The following ZNF83 variants were observed in gnomAD, a reference collection of about 807,000 sequenced individuals.
The protein encoded by ZNF83 is zinc finger protein 816B.
For missense variants in ZNF83, 552 were observed against 629.9 expected, an observed-to-expected ratio of 0.88 and a Z score of 1.32; for synonymous variants, 209 against 213.0, an observed-to-expected ratio of 0.98 and a Z score of 0.17.
chr19:52,682,433 G>A (rs1283213472), intron 1 of ZNF83, among the ~76,000 whole-genome samples: 1 of 152,084 alleles, frequency 6.6e-6, no homozygotes, highest in Admixed American at 6.6e-5. Flanking sequence ...AACACTTTGG[G>A]AGGCTGAGGT....
chr19:52,662,622 C>T (rs1320680881), intron 1 of ZNF83, among the ~76,000 whole-genome samples: 8 of 152,052 alleles, frequency 5.3e-5, no homozygotes, highest in East Asian at 1.9e-4. Flanking sequence ...CTGAGCATTA[C>T]CATCTCGTAT....
chr19:52,650,961 A>C (rs2061434428), intron 3 of ZNF83: 1 of 152,254 alleles, frequency 6.6e-6, no homozygotes, highest in Non-Finnish European at 1.5e-5. Flanking sequence ...CCAGGGAAAC[A>C]GTGAAAAGAA....
rs2060214959 is a variant in ZNF83 at position 52,614,048 on chromosome 19, C to A, written c.517G>T (p.Gly173Ter). 1.2e-6 allele frequency: 2 copies of A among 1,613,056 alleles called. No individual in the cohort carries two copies. The highest frequency in any genetic ancestry group is 4.5e-5 in the East Asian group (2 of 44,846). ...TCATTACATTTATATGGTTTCTCTC[C>A]AGTATGAATCCTGCGATGCTGTGCA... Residue 173 changes from glycine (G) to a stop codon, truncating the protein, a stop_gained, in exon 3 of 3, where the codon GGA becomes TGA. Coordinates refer to ENST00000301096, the Ensembl canonical transcript of ZNF83. LOFTEE classifies it low-confidence loss of function (END_TRUNC).
At chr19:52,661,207 A>T (rs2061575554) in intron 1 of ZNF83, among the ~76,000 whole-genome samples, 1 of 152,074 alleles carries the variant, frequency 6.6e-6, no homozygotes. Flanking sequence ...CTGTGACAAA[A>T]CATACACAGG....
At chr19:52,628,854 A>C (rs1271602626) in intron 2 of ZNF83, among the ~76,000 whole-genome samples, 1 of 148,976 alleles carries the variant, frequency 6.7e-6, no homozygotes, top group Non-Finnish European at 1.5e-5. Flanking sequence ...CCCCAACCTC[A>C]TATATCTCTG....
At chr19:52,672,577 T>C (rs2061740970) in intron 1 of ZNF83, among the ~76,000 whole-genome samples, 1 of 152,152 alleles carries the variant, frequency 6.6e-6, no homozygotes, top group African/African-American at 2.4e-5. Context: ...GCACCTCATC[T>C]TTATGTTTTA....
chr19:52,679,585 T>C (rs1224821611), intron 1 of ZNF83, among the ~76,000 whole-genome samples: 1 of 152,130 alleles, frequency 6.6e-6, no homozygotes, highest in East Asian at 1.9e-4. Context: ...CACTCCAGCA[T>C]GGGTGACAGA....
At chr19:52,648,607 C>A (rs1456080323) in intron 3 of ZNF83, among the ~76,000 whole-genome samples, 1 of 152,188 alleles carries the variant, frequency 6.6e-6, no homozygotes, top group Non-Finnish European at 1.5e-5. Flanking sequence ...AATCCAACTT[C>A]TCTAAGACTC....
chr19:52,684,736 A>G (rs1226074825), intron 1 of ZNF83, among the ~76,000 whole-genome samples: 1 of 152,132 alleles, frequency 6.6e-6, no homozygotes, highest in East Asian at 1.9e-4. Flanking sequence ...GTGATCATTT[A>G]GGGACATAGG....
intron 2 of ZNF83, among the ~76,000 whole-genome samples, chr19:52,622,668 A>G (rs950159257): frequency 7.2e-5 from 11 of 152,220 alleles, no homozygotes; most frequent in African/African-American, 2.4e-4. Context: ...AGCCCAGTTC[A>G]TGGTTCATCT....
chr19:52,638,810 T>C (rs1266794448), upstream of ZNF83, among the ~76,000 whole-genome samples: 1 of 152,020 alleles, frequency 6.6e-6, no homozygotes, highest in African/African-American at 2.4e-5. Flanking sequence ...CAAGGATGGG[T>C]GAGGTCACCA....
intron 1 of ZNF83, among the ~76,000 whole-genome samples, chr19:52,677,978 T>A (rs1238735693): frequency 6.6e-6 from 1 of 151,684 alleles, no homozygotes; most frequent in Non-Finnish European, 1.5e-5. Flanking sequence ...GAGGTTGCAG[T>A]GAGCCAAGAT....
At chr19:52,676,287 A>G (rs1294798713) in intron 1 of ZNF83, among the ~76,000 whole-genome samples, 10 of 152,122 alleles carry the variant, frequency 6.6e-5, no homozygotes, top group African/African-American at 2.2e-4. Context: ...TCAGTGCTCA[A>G]TGGTGCCCAG....
At chr19:52,638,180 T>C (rs1465874843) in intron 1 of ZNF83, 132 bp downstream of exon 1, 1 of 152,324 alleles carries the variant, frequency 6.6e-6, no homozygotes, top group African/African-American at 2.4e-5. Context: ...CGGACTCTCA[T>C]GGGGACGTCT....
exon 3 of ZNF83, chr19:52,613,567 A>G: frequency 1.2e-6 from 2 of 1,611,976 alleles, no homozygotes. Flanking sequence ...CCAGTGATTT[A>G]CTAGGGATGA....
At chr19:52,687,452 TA>T (rs1290412705) in intron 1 of ZNF83, among the ~76,000 whole-genome samples, 1 of 58,216 alleles carries the variant, frequency 1.7e-5, no homozygotes, top group Non-Finnish European at 3.1e-5. Context: ...ATATAAATTA[TA>T]ATATAAATTA....
At position 52,645,914 on chromosome 19, in the gene ZNF83, T is replaced by C. The variant is rs372419518; in HGVS notation, c.-74+9647A>G. On this transcript the variant is annotated intron_variant, in intron 3 of 5. Coordinates refer to the ZNF83 transcript ENST00000594682. Reference sequence around the variant, plus strand: ...AGAACAAAAGCAGTTTTCATGTTCCTGTTTTTGATTTTGTTTATTTTTTGT... The same window carrying C: ...AGAACAAAAGCAGTTTTCATGTTCCCGTTTTTGATTTTGTTTATTTTTTGT... Among the ~76,000 whole-genome samples the C allele has an allele frequency of 2.5e-4, 38 of 152,010 alleles. 1 individual carries two copies. In the South Asian group the frequency reaches 6.8e-3, roughly 27 times the overall value.
At chr19:52,640,478 T>C (rs2061287120), upstream of ZNF83, among the ~76,000 whole-genome samples, 1 of 152,216 alleles carries the variant, frequency 6.6e-6, no homozygotes, top group Non-Finnish European at 1.5e-5. Flanking sequence ...AATGATCCCA[T>C]GAGGTCTTAT....
upstream of ZNF83, among the ~76,000 whole-genome samples, chr19:52,638,975 GTCTC>G (rs142951810): frequency 3.0e-4 from 45 of 152,172 alleles, 1 homozygote; most frequent in East Asian, 7.9e-3. Flanking sequence ...TCCCTTCCTC[GTCTC>G]TCTCTCTCTT....
Sources: gnomAD v4.1 joint callset for allele counts (sites outside exome capture counted in the v4.1 genomes callset) on GRCh38, gnomAD v4.1.1 for gene constraint, MANE v1.5 for transcripts, NCBI Gene and HGNC (gene_info 2026-07-23, HGNC 2026-07-21) for gene names.